The following PDC variants were observed in gnomAD, a reference collection of about 807,000 sequenced individuals.
PDC encodes the protein phosducin, also known as 33 kDa phototransducing protein.
In PDC, 19 loss-of-function variants were observed where a neutral mutation model predicts 22.2. That is an observed-to-expected ratio of 0.86 (90% confidence interval 0.60 to 1.26). The LOEUF (loss-of-function observed/expected upper bound fraction) is 1.26, where lower values mean the gene tolerates loss of function less well. Ranked by LOEUF, PDC falls within the 50% of genes most tolerant of loss-of-function variation. The pLI, the probability that PDC is intolerant of heterozygous loss-of-function variation, is 0.00. For synonymous variants in PDC, 97 were observed against 96.2 expected, an observed-to-expected ratio of 1.01 and a Z score of -0.05; for missense variants, 274 against 286.8, an observed-to-expected ratio of 0.96 and a Z score of 0.32.
intron 1 of PDC, among the ~76,000 whole-genome samples, chr1:186,460,028 A>C (rs1453149361): frequency 6.6e-6 from 1 of 152,004 alleles, no homozygotes; most frequent in Non-Finnish European, 1.5e-5. Context: ...TTAAATTTCT[A>C]AAGTAACCTT....
At position 186,458,155 on chromosome 1, in the gene PDC, A is replaced by G. The variant is rs569995804; in HGVS notation, c.-25+2904T>C. Among the ~76,000 whole-genome samples the G allele has an allele frequency of 5.3e-5, 8 of 151,776 alleles. No homozygotes were observed. The East Asian group carries it at 7.7e-4, about 15-fold the overall frequency. On this transcript the variant is annotated intron_variant, in intron 1 of 3. Transcript: ENST00000391997. ...TCTGGAAATATGAGCTTTAAAAGTC[A>G]TAACTGAATTCTTGTTCCTAGTGAA...
chr1:186,455,515 G>C (rs1662438642), intron 1 of PDC, among the ~76,000 whole-genome samples: 1 of 151,990 alleles, frequency 6.6e-6, no homozygotes, highest in South Asian at 2.1e-4. Flanking sequence ...TGAGCCTCTG[G>C]ATTTTTCAGG....
intron 1 of PDC, among the ~76,000 whole-genome samples, chr1:186,456,841 A>G (rs1662482013): frequency 1.3e-5 from 2 of 152,200 alleles, no homozygotes; most frequent in South Asian, 4.1e-4. Flanking sequence ...AAATCAACTG[A>G]AGTGAAATTT....
At chr1:186,449,259 T>C in intron 2 of PDC, 140 bp downstream of exon 2, 2 of 436,784 alleles carry the variant, frequency 4.6e-6, no homozygotes, top group Admixed American at 7.9e-5. Flanking sequence ...ATTTGCCCGC[T>C]CAAATATTTT....
At chr1:186,448,290 T>G (rs1326137201) in intron 2 of PDC, among the ~76,000 whole-genome samples, 1 of 152,212 alleles carries the variant, frequency 6.6e-6, no homozygotes, top group East Asian at 1.9e-4. Context: ...AATGTGTTAT[T>G]AAACTTACTT....
Position 186,449,396 on chromosome 1 carries a change from T to G in PDC, c.61+3A>C. 5 of 1,587,944 alleles carry G rather than the reference T, an allele frequency of 3.1e-6. No individual in the cohort carries two copies. Among genetic ancestry groups the G allele is most frequent in the Non-Finnish European group, 4.3e-6 (5 of 1,161,186 alleles). On this transcript the variant is annotated splice_donor_region_variant and intron_variant, in intron 2 of 3. Coordinates refer to ENST00000391997, the MANE Select transcript of PDC (RefSeq NM_002597.5). ...AATTATTTTTTCTTCTAGCTTTGCT[T>G]GCCTGTATGTGTGGCCTGTCCTTCA...
At position 186,443,808 on chromosome 1, in the gene PDC, T is replaced by C. The variant is rs1662155163; in HGVS notation, c.*171A>G. 1.7e-6 allele frequency: 1 copy of C among 584,338 alleles called. No individual in the cohort carries two copies. 36.2% of individuals were successfully genotyped at this position (584,338 alleles called of 1,614,324 possible). On this transcript the variant is annotated 3_prime_UTR_variant, in exon 4 of 4. Coordinates refer to ENST00000391997, the MANE Select transcript of PDC (RefSeq NM_002597.5). ...GTTTTGTAGTCAAGCATTGTATCAA[T>C]TTGAGTAACTAATACTAAGAAATGC... is the stretch of plus-strand genomic sequence containing the variant.
intron 2 of PDC, chr1:186,448,694 T>A: frequency 1.0e-6 from 1 of 961,324 alleles, no homozygotes; most frequent in Non-Finnish European, 1.2e-6. Context: ...ATTCCTCACA[T>A]TGCTATTATA....
chr1:186,459,287 T>C (rs1266850662), intron 1 of PDC, among the ~76,000 whole-genome samples: 2 of 151,130 alleles, frequency 1.3e-5, no homozygotes, highest in Non-Finnish European at 3.0e-5. Flanking sequence ...TTTAACAAGC[T>C]CTAAGCCTGC....
At chr1:186,456,436 A>T (rs973061035) in intron 1 of PDC, among the ~76,000 whole-genome samples, 3 of 152,178 alleles carry the variant, frequency 2.0e-5, no homozygotes, top group Non-Finnish European at 4.4e-5. Flanking sequence ...GCAAATTATG[A>T]TGAAAGGCTT....
At chr1:186,459,393 G>C (rs909506174) in intron 1 of PDC, among the ~76,000 whole-genome samples, 4 of 152,154 alleles carry the variant, frequency 2.6e-5, no homozygotes, top group African/African-American at 9.6e-5. Context: ...GCCCCTAACC[G>C]CGAGTGATCC....
At position 186,444,348 on chromosome 1, in the gene PDC, T is replaced by C; in HGVS notation, c.372A>G (p.Leu124=). ...VYELETGKQF[L]ETIEKELKIT... is the part of the protein sequence containing the mutation. ...TCTTCAGTTCCTTTTCAATTGTTTCTAGGAATTGCTTTCCAGTTTCCAGCT... is the reference window on the plus strand; with the variant it reads ...TCTTCAGTTCCTTTTCAATTGTTTCCAGGAATTGCTTTCCAGTTTCCAGCT... The change falls in exon 4 of 4, where the codon CTA becomes CTG. Residue 124 remains leucine (L), a synonymous_variant. Coordinates refer to ENST00000391997, the MANE Select transcript of PDC (RefSeq NM_002597.5). 1 of 1,614,124 alleles carries C rather than the reference T, an allele frequency of 6.2e-7. No individual in the cohort carries two copies. The highest frequency in any genetic ancestry group is 8.5e-7 in the Non-Finnish European group (1 of 1,179,988).
intron 1 of PDC, among the ~76,000 whole-genome samples, chr1:186,450,747 G>A (rs148229602): frequency 4.7e-4 from 71 of 152,156 alleles, no homozygotes; most frequent in African/African-American, 1.5e-3. Context: ...ATTCTATCTG[G>A]TTCACACTCA....
intron 1 of PDC, among the ~76,000 whole-genome samples, chr1:186,455,053 C>G (rs1327121889): frequency 6.6e-6 from 1 of 152,278 alleles, no homozygotes; most frequent in East Asian, 1.9e-4. Flanking sequence ...TGCTAGGTAC[C>G]TTTGTCTGCT....
At chr1:186,455,725 G>A (rs1454232960) in intron 1 of PDC, among the ~76,000 whole-genome samples, 2 of 149,100 alleles carry the variant, frequency 1.3e-5, no homozygotes, top group African/African-American at 5.0e-5. Flanking sequence ...CCTTTGGGAG[G>A]CCGAGGCGGG....
chr1:186,452,640 A>G (rs1662376533), intron 1 of PDC, among the ~76,000 whole-genome samples: 1 of 152,238 alleles, frequency 6.6e-6, no homozygotes, highest in South Asian at 2.1e-4. Context: ...CATCTTTTAC[A>G]TATGTGTATG....
intron 1 of PDC, among the ~76,000 whole-genome samples, chr1:186,455,246 G>GCTC (rs1282221416): frequency 1.3e-5 from 2 of 152,142 alleles, no homozygotes; most frequent in African/African-American, 4.8e-5. Context: ...GAGTGGGTTA[G>GCTC]CTCCCCGGTG....
intron 1 of PDC, among the ~76,000 whole-genome samples, chr1:186,454,253 A>G (rs763033261): frequency 3.1e-5 from 4 of 129,910 alleles, no homozygotes; most frequent in Non-Finnish European, 4.6e-5. Flanking sequence ...ACTCACTGCT[A>G]CTTCTGCCTC....
chr1:186,445,127 C>T (rs1003398441), intron 3 of PDC, among the ~76,000 whole-genome samples: 1 of 152,098 alleles, frequency 6.6e-6, no homozygotes, highest in African/African-American at 2.4e-5. Flanking sequence ...ATAATAGCTA[C>T]TCCATTATTA....
Sources: allele counts gnomAD v4.1 joint callset (sites outside exome capture counted in the v4.1 genomes callset), GRCh38; gene constraint gnomAD v4.1.1; transcripts MANE v1.5; gene names NCBI Gene and HGNC (gene_info 2026-07-23, HGNC 2026-07-21).